Variants in SHISA9 observed in about 807,000 individuals in gnomAD.
The protein encoded by SHISA9 is shisa family member 9.
A neutral mutation model predicts 38.0 loss-of-function variants in SHISA9; 13 were observed. That is an observed-to-expected ratio of 0.34 (90% CI 0.22 to 0.54). SHISA9 has a LOEUF of 0.54. Among genes scored for constraint, SHISA9 ranks in the 20% least tolerant of loss-of-function variants. The pLI, the probability that SHISA9 is intolerant of heterozygous loss-of-function variation, is 0.91. For missense variants in SHISA9, 538 were observed against 575.8 expected, an observed-to-expected ratio of 0.93 and a Z score of 0.67; for synonymous variants, 275 against 242.0, an observed-to-expected ratio of 1.14 and a Z score of -1.27.
At chr16:13,074,661 T>A (rs2073559686) in intron 2 of SHISA9, among the ~76,000 whole-genome samples, 2 of 151,444 alleles carry the variant, frequency 1.3e-5, no homozygotes, top group South Asian at 4.2e-4. Flanking sequence ...TTTCTCTTTT[T>A]CTTTTTCTTT....
At chr16:13,085,930 A>C (rs561618619) in intron 2 of SHISA9, among the ~76,000 whole-genome samples, 1 of 152,332 alleles carries the variant, frequency 6.6e-6, no homozygotes, top group East Asian at 1.9e-4. Flanking sequence ...ACAATAAAAT[A>C]AGTTTGTTTA....
At chr16:13,035,313 C>T (rs1225448378) in intron 2 of SHISA9, among the ~76,000 whole-genome samples, 1 of 152,094 alleles carries the variant, frequency 6.6e-6, no homozygotes, top group Non-Finnish European at 1.5e-5. Flanking sequence ...TTAAATGACT[C>T]ACAAGGGGTC....
At chr16:13,098,966 AC>A (rs1189129946) in intron 2 of SHISA9, among the ~76,000 whole-genome samples, 4 of 152,260 alleles carry the variant, frequency 2.6e-5, no homozygotes, top group Non-Finnish European at 5.9e-5. Flanking sequence ...AGGATTGTAT[AC>A]AGGTGGGGCT....
intron 2 of SHISA9, among the ~76,000 whole-genome samples, chr16:12,944,030 T>C (rs1182221367): frequency 6.6e-6 from 1 of 152,202 alleles, no homozygotes; most frequent in Non-Finnish European, 1.5e-5. Flanking sequence ...AGATGTTTAG[T>C]AGGGTTCCTG....
intron 2 of SHISA9, among the ~76,000 whole-genome samples, chr16:13,142,389 G>A (rs935402550): frequency 1.3e-5 from 2 of 152,190 alleles, no homozygotes; most frequent in African/African-American, 4.8e-5. Flanking sequence ...ATTTTTTGCA[G>A]TTTCTGAGTT....
the SHISA9 span, among the ~76,000 whole-genome samples, chr16:13,305,623 TG>T: frequency 6.6e-6 from 1 of 152,184 alleles, no homozygotes; most frequent in African/African-American, 2.4e-5. Context: ...AGTGAGAAAC[TG>T]CTGTGCCCTG....
chr16:13,015,445 G>C (rs2072729454), intron 2 of SHISA9, among the ~76,000 whole-genome samples: 1 of 152,242 alleles, frequency 6.6e-6, no homozygotes, highest in African/African-American at 2.4e-5. Flanking sequence ...TTGCCCAACT[G>C]ATGAGTGGGA....
At chr16:13,143,470 C>T (rs752203961) in intron 2 of SHISA9, among the ~76,000 whole-genome samples, 13 of 152,126 alleles carry the variant, frequency 8.5e-5, no homozygotes, top group Non-Finnish European at 1.9e-4. Flanking sequence ...TCACATGAGG[C>T]AGAGGAAAGG....
chr16:13,003,866 A>AAT (rs200459200), intron 2 of SHISA9, among the ~76,000 whole-genome samples: 1,416 of 127,898 alleles, frequency 0.011, 22 homozygotes, highest in African/African-American at 0.043. Context: ...TCAAAATAAT[A>AAT]ATAATAATAA....
At chr16:13,064,784 C>CAAAAAA (rs72435637) in intron 2 of SHISA9, among the ~76,000 whole-genome samples, 1 of 82,374 alleles carries the variant, frequency 1.2e-5, no homozygotes. Context: ...AGTTGTAAGG[C>CAAAAAA]AAAAAAAAAA....
chr16:13,200,051 G>T (rs148616839), intron 2 of SHISA9, among the ~76,000 whole-genome samples: 231 of 152,136 alleles, frequency 1.5e-3, no homozygotes, highest in African/African-American at 5.3e-3. Context: ...AATACTAAGG[G>T]GTCCTTTGCC....
At chr16:13,049,512 C>T (rs1409952924) in intron 2 of SHISA9, among the ~76,000 whole-genome samples, 2 of 152,084 alleles carry the variant, frequency 1.3e-5, no homozygotes, top group Non-Finnish European at 2.9e-5. Context: ...AAATGTGTCC[C>T]TGTGGTTATT....
the SHISA9 span, among the ~76,000 whole-genome samples, chr16:13,552,524 G>A: frequency 1.3e-5 from 2 of 151,680 alleles, no homozygotes; most frequent in Admixed American, 1.3e-4. Flanking sequence ...TACCTTAGCT[G>A]ATTTCATCCC....
intron 2 of SHISA9, among the ~76,000 whole-genome samples, chr16:13,014,686 G>A (rs1187901445): frequency 6.6e-6 from 1 of 152,206 alleles, no homozygotes; most frequent in African/African-American, 2.4e-5. Context: ...AGAGAGCTGG[G>A]AGGAATTCTG....
At chr16:13,111,437 T>C (rs1479612836) in intron 2 of SHISA9, among the ~76,000 whole-genome samples, 1 of 152,122 alleles carries the variant, frequency 6.6e-6, no homozygotes, top group South Asian at 2.1e-4. Flanking sequence ...AAATCCTGAT[T>C]GCAGAAGATC....
chr16:13,547,053 A>G, the SHISA9 span, among the ~76,000 whole-genome samples: 1 of 152,218 alleles, frequency 6.6e-6, no homozygotes, highest in African/African-American at 2.4e-5. Context: ...CTTACCTTGA[A>G]TACTTCGGAG....
At chr16:12,908,981 A>G (rs1477383616) in intron 1 of SHISA9, 2 of 1,005,068 alleles carry the variant, frequency 2.0e-6, no homozygotes, top group African/African-American at 3.5e-5. Context: ...AAGAAATAGC[A>G]ACAAATAATG....
chr16:13,011,756 C>T (rs1213863138), intron 2 of SHISA9, among the ~76,000 whole-genome samples: 2 of 151,838 alleles, frequency 1.3e-5, no homozygotes, highest in South Asian at 2.1e-4. Context: ...CCCTTGACCT[C>T]GTGATCCGCC....
intron 1 of SHISA9, among the ~76,000 whole-genome samples, chr16:12,903,525 T>G (rs1008527003): frequency 3.9e-4 from 60 of 152,216 alleles, no homozygotes; most frequent in African/African-American, 1.4e-3. Flanking sequence ...TTAAATTTTT[T>G]TTATTTTAAG....
Sources: gnomAD v4.1 joint callset for allele counts (sites outside exome capture counted in the v4.1 genomes callset) on GRCh38, gnomAD v4.1.1 for gene constraint, MANE v1.5 for transcripts, NCBI Gene and HGNC (gene_info 2026-07-23, HGNC 2026-07-21) for gene names.